Variants in ROBO1 observed in about 807,000 individuals in gnomAD.
ROBO1 encodes the protein roundabout homolog 1.
Under a neutral mutation model 195.9 loss-of-function variants are expected in ROBO1, and 149 were observed. The observed-to-expected ratio is 0.76, with a 90% CI of 0.67 to 0.87. The LOEUF (loss-of-function observed/expected upper bound fraction) is 0.87, where lower values mean the gene tolerates loss of function less well. Ranked by LOEUF, ROBO1 falls within the 40% of genes least tolerant of loss-of-function variation. The pLI, the probability that ROBO1 is intolerant of heterozygous loss-of-function variation, is 0.00. For missense variants in ROBO1, 1,933 were observed against 2,068.3 expected (o/e 0.93, Z 1.27); for synonymous variants, 816 against 733.2 (o/e 1.11, Z -1.82).
intron 1 of ROBO1, among the ~76,000 whole-genome samples, chr3:79,766,252 AT>A (rs1704983834): frequency 6.6e-6 from 1 of 151,604 alleles, no homozygotes; most frequent in Non-Finnish European, 1.5e-5. Context: ...ATTGCCCTAA[AT>A]TGCTTGTTTT....
At chr3:78,923,222 T>C (rs79338646) in intron 4 of ROBO1, among the ~76,000 whole-genome samples, 10,945 of 152,174 alleles carry the variant, frequency 0.072, 579 homozygotes, top group Admixed American at 0.14. Flanking sequence ...CTAAACATTT[T>C]TGAGACTTTT....
At chr3:79,250,319 G>A (rs909695115) in intron 2 of ROBO1, among the ~76,000 whole-genome samples, 1 of 152,124 alleles carries the variant, frequency 6.6e-6, no homozygotes, top group Non-Finnish European at 1.5e-5. Flanking sequence ...GTAAATAAAT[G>A]GAATTTTCTA....
intron 3 of ROBO1, among the ~76,000 whole-genome samples, chr3:78,961,277 G>C (rs2041333296): frequency 1.3e-5 from 2 of 152,102 alleles, no homozygotes; most frequent in Non-Finnish European, 2.9e-5. Flanking sequence ...AGGGAGAGAT[G>C]AATCAAAATT....
intron 4 of ROBO1, among the ~76,000 whole-genome samples, chr3:78,844,806 C>T (rs2106787482): frequency 6.6e-6 from 1 of 152,066 alleles, no homozygotes; most frequent in East Asian, 1.9e-4. Context: ...CCTCATGGTT[C>T]AATAATTAGT....
At chr3:78,669,689 G>A (rs191395366) in intron 11 of ROBO1, among the ~76,000 whole-genome samples, 2 of 152,220 alleles carry the variant, frequency 1.3e-5, no homozygotes, top group Admixed American at 6.5e-5. Flanking sequence ...ATTGCAAAAT[G>A]CTGAAACAAA....
intron 2 of ROBO1, among the ~76,000 whole-genome samples, chr3:79,510,587 T>C (rs915490385): frequency 8.0e-5 from 12 of 150,412 alleles, no homozygotes; most frequent in Non-Finnish European, 1.6e-4. Flanking sequence ...AGTTGGAGGA[T>C]ATTTTAAACT....
intron 3 of ROBO1, among the ~76,000 whole-genome samples, chr3:78,999,806 T>C (rs1487975236): frequency 6.6e-6 from 1 of 152,152 alleles, no homozygotes; most frequent in Non-Finnish European, 1.5e-5. Flanking sequence ...TCAGTATACA[T>C]ACAACATGAT....
chr3:78,841,927 AACTC>A (rs1489313285), intron 4 of ROBO1, among the ~76,000 whole-genome samples: 28 of 152,012 alleles, frequency 1.8e-4, no homozygotes, highest in Non-Finnish European at 1.5e-5. Flanking sequence ...ATCCAATTCA[AACTC>A]AATCTTTATA....
rs920479393 is a variant in ROBO1, at chr3:79,731,870, T to C, written c.-51+35882A>G. ...AGTAAGTTTGTAGGTGAAATAAGTTTTTTTTATCATAGGAAATTTCTAGGA... is the reference window on the plus strand; with the variant it reads ...AGTAAGTTTGTAGGTGAAATAAGTTCTTTTTATCATAGGAAATTTCTAGGA... On this transcript the variant is annotated intron_variant, in intron 1 of 30. Coordinates refer to ENST00000464233, the MANE Select transcript of ROBO1 (RefSeq NM_002941.4). Among the ~76,000 whole-genome samples, 19 of 152,146 alleles carry C rather than the reference T, an allele frequency of 1.2e-4. 1 individual carries two copies. Among genetic ancestry groups the C allele is most frequent in the Non-Finnish European group, 2.4e-4 (16 of 68,014 alleles).
chr3:79,335,260 C>A (rs1039319017), intron 2 of ROBO1, among the ~76,000 whole-genome samples: 1 of 152,022 alleles, frequency 6.6e-6, no homozygotes, highest in Non-Finnish European at 1.5e-5. Context: ...ATTTATATAG[C>A]GTATCAGAGA....
intron 5 of ROBO1, among the ~76,000 whole-genome samples, chr3:78,735,772 TTTG>T (rs1393170895): frequency 6.6e-6 from 1 of 152,216 alleles, no homozygotes; most frequent in African/African-American, 2.4e-5. Flanking sequence ...TGTTGAGTTT[TTTG>T]TTAAGATATA....
rs964105452 is a variant in ROBO1 at position 79,145,492 on chromosome 3, A to G, written c.89-19953T>C. ...TATAAAGAACATAGAATTACTTACC[A>G]TACTAAAGGTGGTCATTTGAAATAA... On this transcript the variant is annotated intron_variant, in intron 2 of 30. Transcript: ENST00000464233. 2.0e-5 allele frequency among the ~76,000 whole-genome samples: 3 copies of G among 152,092 alleles called. No homozygotes were observed. In the East Asian group the frequency reaches 5.8e-4, roughly 30 times the overall value.
intron 4 of ROBO1, among the ~76,000 whole-genome samples, chr3:78,841,493 C>T (rs149180207): frequency 2.3e-4 from 35 of 152,180 alleles, no homozygotes; most frequent in African/African-American, 7.5e-4. Context: ...GTTACAGTGC[C>T]CAGAATTATT....
chr3:79,166,912 A>G (rs1356549488), intron 2 of ROBO1, among the ~76,000 whole-genome samples: 3 of 152,174 alleles, frequency 2.0e-5, no homozygotes, highest in South Asian at 2.1e-4. Flanking sequence ...AGTTTTATGG[A>G]TAGAGGAATA....
intron 2 of ROBO1, among the ~76,000 whole-genome samples, chr3:79,417,098 C>T (rs1304712178): frequency 1.3e-5 from 2 of 152,154 alleles, no homozygotes; most frequent in Non-Finnish European, 2.9e-5. Flanking sequence ...GGTACTCCCT[C>T]CTTCAAGAAG....
chr3:78,632,786 ACT>A (rs1705258411), intron 24 of ROBO1, among the ~76,000 whole-genome samples: 1 of 152,212 alleles, frequency 6.6e-6, no homozygotes, highest in African/African-American at 2.4e-5. Flanking sequence ...TCTCTATGTG[ACT>A]AAAAATTCAA....
Position 79,386,952 on chromosome 3 carries a change from G to C in ROBO1, c.88+202872C>G, listed in dbSNP as rs1022279345. On this transcript the variant is annotated intron_variant, in intron 2 of 30. Coordinates refer to ENST00000464233, the MANE Select transcript of ROBO1 (RefSeq NM_002941.4). Reference sequence around the variant, plus strand: ...CTCTTATGTATTACAGAGATTTACAGTGACTTCTCAGCCAGGGATATGTCA... The same window carrying C: ...CTCTTATGTATTACAGAGATTTACACTGACTTCTCAGCCAGGGATATGTCA... Among the ~76,000 whole-genome samples, 9 of 152,210 alleles carry C rather than the reference G, an allele frequency of 5.9e-5. No individual in the cohort carries two copies. In the East Asian group the frequency reaches 1.4e-3, roughly 23 times the overall value.
intron 2 of ROBO1, among the ~76,000 whole-genome samples, chr3:79,337,477 T>C (rs1298944404): frequency 2.0e-5 from 3 of 152,166 alleles, no homozygotes; most frequent in Non-Finnish European, 2.9e-5. Context: ...CCTGCCACCA[T>C]GTGAAGAAGG....
In ROBO1 at chr3:79,606,888, C is replaced by G. The variant is rs369731836; in HGVS notation, c.-50-16927G>C. Among the ~76,000 whole-genome samples the G allele has an allele frequency of 3.3e-5, 5 of 151,728 alleles. No individual in the cohort carries two copies. The South Asian group carries it at 1.0e-3, about 32-fold the overall frequency. On this transcript the variant is annotated intron_variant, in intron 1 of 30. Transcript: ENST00000464233. ...AATAAATTTTTGAAGTAAGTTATTG[C>G]TTTACTAACTGTACTTTATTTAGCA...
Sources: allele counts gnomAD v4.1 joint callset (sites outside exome capture counted in the v4.1 genomes callset), GRCh38; gene constraint gnomAD v4.1.1; transcripts MANE v1.5; gene names NCBI Gene and HGNC (gene_info 2026-07-23, HGNC 2026-07-21).